SMCO4: variants seen among roughly 807,000 people sequenced by gnomAD.
The protein encoded by SMCO4 is single-pass membrane protein with coiled-coil domains 4, also known as single-pass membrane and coiled-coil domain-containing protein 4.
Under a neutral mutation model 3.6 loss-of-function variants are expected in SMCO4, and 4 were observed. That is an observed-to-expected ratio of 1.11 (90% CI 0.54 to 2.53). The LOEUF is 2.53. SMCO4 is among the 30% of genes most tolerant of loss of function. The pLI is 0.02. For missense variants in SMCO4, 70 were observed against 80.8 expected (o/e 0.87, Z 0.51); for synonymous variants, 36 against 35.3 (o/e 1.02, Z -0.07).
At chr11:93,534,320 A>G (rs987138829) in intron 1 of SMCO4, among the ~76,000 whole-genome samples, 1 of 149,398 alleles carries the variant, frequency 6.7e-6, no homozygotes, top group African/African-American at 2.5e-5. Flanking sequence ...ATACACATAT[A>G]TACACATATA....
At chr11:93,536,360 A>T (rs1348002576) in intron 1 of SMCO4, among the ~76,000 whole-genome samples, 1 of 152,254 alleles carries the variant, frequency 6.6e-6, no homozygotes, top group Non-Finnish European at 1.5e-5. Context: ...ATGAATGAAG[A>T]TATAATAGCA....
At chr11:93,498,915 G>C (rs1041193263) in intron 2 of SMCO4, among the ~76,000 whole-genome samples, 1 of 152,114 alleles carries the variant, frequency 6.6e-6, no homozygotes, top group Non-Finnish European at 1.5e-5. Context: ...ACAAAAACAG[G>C]CAACGAGAAT....
At chr11:93,520,758 G>T (rs1487329511) in intron 1 of SMCO4, among the ~76,000 whole-genome samples, 2 of 152,246 alleles carry the variant, frequency 1.3e-5, no homozygotes, top group African/African-American at 4.8e-5. Context: ...CTGGAAAAGA[G>T]AACTGAACAG....
intron 1 of SMCO4, among the ~76,000 whole-genome samples, chr11:93,525,913 C>T (rs764785048): frequency 1.5e-4 from 23 of 152,162 alleles, no homozygotes; most frequent in Non-Finnish European, 1.5e-4. Flanking sequence ...GACAGAAACC[C>T]CAGCTTGGAA....
At chr11:93,520,134 C>T (rs752330833) in intron 1 of SMCO4, among the ~76,000 whole-genome samples, 57 of 152,098 alleles carry the variant, frequency 3.7e-4, no homozygotes, top group Non-Finnish European at 7.8e-4. Flanking sequence ...GCAGGTGGGG[C>T]AGAACGTTTG....
At chr11:93,511,164 C>T (rs1194182963) in intron 1 of SMCO4, among the ~76,000 whole-genome samples, 1 of 151,608 alleles carries the variant, frequency 6.6e-6, no homozygotes, top group Non-Finnish European at 1.5e-5. Flanking sequence ...TAAACATGTC[C>T]AATTAAAAAA....
intron 2 of SMCO4, among the ~76,000 whole-genome samples, chr11:93,495,441 C>T (rs1294428039): frequency 6.6e-6 from 1 of 151,952 alleles, no homozygotes; most frequent in African/African-American, 2.4e-5. Flanking sequence ...CGGCAGCACA[C>T]GCAGGACCTC....
chr11:93,514,448 C>T (rs1948991332), intron 1 of SMCO4, among the ~76,000 whole-genome samples: 1 of 135,546 alleles, frequency 7.4e-6, no homozygotes, highest in Non-Finnish European at 1.5e-5. Flanking sequence ...CAAAGATCAC[C>T]CTAAGTGTGT....
chr11:93,482,850 A>C (rs1453646736), intron 2 of SMCO4, among the ~76,000 whole-genome samples: 1 of 152,220 alleles, frequency 6.6e-6, no homozygotes, highest in Non-Finnish European at 1.5e-5. Context: ...ACCAGGGCAG[A>C]AAACTGCTTT....
the SMCO4 span, among the ~76,000 whole-genome samples, chr11:93,552,332 G>A: frequency 6.6e-6 from 1 of 150,938 alleles, no homozygotes; most frequent in African/African-American, 2.4e-5. Flanking sequence ...TAGAGATGGG[G>A]TTTCACCCTG....
At chr11:93,549,429 T>C in the SMCO4 span, among the ~76,000 whole-genome samples, 1 of 152,136 alleles carries the variant, frequency 6.6e-6, no homozygotes, top group Admixed American at 6.6e-5. Flanking sequence ...ATGGAAAGAC[T>C]TTTCTAGAAC....
chr11:93,546,743 A>G (rs550328616), upstream of SMCO4, among the ~76,000 whole-genome samples: 2 of 152,316 alleles, frequency 1.3e-5, no homozygotes, highest in African/African-American at 4.8e-5. Flanking sequence ...CATGCTCAAA[A>G]TATGTCTGTA....
At chr11:93,483,702 T>C (rs1407011706) in intron 2 of SMCO4, among the ~76,000 whole-genome samples, 2 of 152,122 alleles carry the variant, frequency 1.3e-5, no homozygotes, top group African/African-American at 4.8e-5. Context: ...CTCTGTCCCT[T>C]ACACTGGAAA....
At chr11:93,488,746 C>A (rs1948680089) in intron 2 of SMCO4, among the ~76,000 whole-genome samples, 1 of 152,064 alleles carries the variant, frequency 6.6e-6, no homozygotes, top group Non-Finnish European at 1.5e-5. Flanking sequence ...GGAGAATGGG[C>A]TGGAGACAGG....
intron 1 of SMCO4, among the ~76,000 whole-genome samples, chr11:93,511,767 C>A (rs1948959316): frequency 6.6e-6 from 1 of 151,128 alleles, no homozygotes; most frequent in Non-Finnish European, 1.5e-5. Flanking sequence ...AAATTATTGT[C>A]AAAAAAAAAT....
chr11:93,522,432 T>C (rs1471676844), intron 1 of SMCO4, among the ~76,000 whole-genome samples: 1 of 152,226 alleles, frequency 6.6e-6, no homozygotes, highest in Non-Finnish European at 1.5e-5. Context: ...GAGACAAGTC[T>C]GGTCATGTGG....
At chr11:93,497,422 TTTAAA>T (rs1948787423) in intron 2 of SMCO4, among the ~76,000 whole-genome samples, 2 of 152,316 alleles carry the variant, frequency 1.3e-5, no homozygotes, top group African/African-American at 4.8e-5. Context: ...ATTTCTTGTA[TTTAAA>T]TTAGCCTTAA....
chr11:93,540,151 G>C (rs945080134), intron 1 of SMCO4, among the ~76,000 whole-genome samples: 4 of 152,102 alleles, frequency 2.6e-5, no homozygotes, highest in African/African-American at 7.2e-5. Flanking sequence ...AAGGCTAGAA[G>C]AATCATTGAT....
intron 2 of SMCO4, among the ~76,000 whole-genome samples, chr11:93,495,461 C>T (rs1565376607): frequency 6.6e-6 from 1 of 152,054 alleles, no homozygotes; most frequent in African/African-American, 2.4e-5. Flanking sequence ...CCGACACACA[C>T]AGGAGTAAAG....
Sources: gnomAD v4.1 joint callset for allele counts (sites outside exome capture counted in the v4.1 genomes callset) on GRCh38, gnomAD v4.1.1 for gene constraint, MANE v1.5 for transcripts, NCBI Gene and HGNC (gene_info 2026-07-23, HGNC 2026-07-21) for gene names.